Variants in PPP2R2B observed in about 807,000 individuals in gnomAD.
PPP2R2B encodes serine/threonine-protein phosphatase 2A 55 kDa regulatory subunit B beta isoform.
In PPP2R2B, 5 loss-of-function variants were observed where a neutral mutation model predicts 46.0. The ratio of observed to expected loss-of-function variants is 0.11; its 90% CI spans 0.06 to 0.23. The LOEUF is 0.23. PPP2R2B is among the 10% of genes least tolerant of loss of function. The pLI, the probability that PPP2R2B is intolerant of heterozygous loss-of-function variation, is 1.00. For missense variants in PPP2R2B, 367 were observed against 575.0 expected (o/e 0.64, Z 3.70); for synonymous variants, 215 against 206.7 (o/e 1.04, Z -0.34).
chr5:146,894,345 G>A (rs1026017239), intron 1 of PPP2R2B, among the ~76,000 whole-genome samples: 1 of 152,168 alleles, frequency 6.6e-6, no homozygotes, highest in East Asian at 1.9e-4. Context: ...CCTATATTTT[G>A]TTATTAATTA....
intron 1 of PPP2R2B, among the ~76,000 whole-genome samples, chr5:147,000,899 C>G (rs1335155091): frequency 2.0e-5 from 3 of 152,086 alleles, no homozygotes; most frequent in African/African-American, 7.2e-5. Context: ...TTCTTCAAGG[C>G]AGCATATTAT....
chr5:146,868,362 C>A (rs1237516982), intron 2 of PPP2R2B, among the ~76,000 whole-genome samples: 2 of 152,170 alleles, frequency 1.3e-5, no homozygotes, highest in African/African-American at 2.4e-5. Flanking sequence ...TACAGCCAGA[C>A]CTGGAATTTC....
At chr5:146,660,657 C>T (rs897708022) in intron 5 of PPP2R2B, among the ~76,000 whole-genome samples, 4 of 152,180 alleles carry the variant, frequency 2.6e-5, no homozygotes, top group Non-Finnish European at 5.9e-5. Flanking sequence ...TTTCCCTGCT[C>T]ACACCCTTCA....
chr5:146,863,309 C>T (rs540115649), intron 2 of PPP2R2B, among the ~76,000 whole-genome samples: 5 of 152,260 alleles, frequency 3.3e-5, no homozygotes, highest in African/African-American at 9.6e-5. Flanking sequence ...GCTGGAAACA[C>T]TAAACTGTCC....
At position 147,062,852 on chromosome 5, in the gene PPP2R2B, C is replaced by T. The variant is rs1343048295; in HGVS notation, c.50+18207G>A. On this transcript the variant is annotated intron_variant, in intron 2 of 10. Coordinates refer to the PPP2R2B transcript ENST00000394413. ...AATCTAGCAAAATCCACACACCTAC[C>T]TATCAATGCCTCCAGAGATCCAATA... Among the ~76,000 whole-genome samples, 4 of 151,826 alleles carry T rather than the reference C, an allele frequency of 2.6e-5. No homozygotes were observed. The East Asian group carries it at 7.8e-4, about 30-fold the overall frequency.
chr5:146,984,665 T>C (rs1304626424), intron 1 of PPP2R2B, among the ~76,000 whole-genome samples: 2 of 152,204 alleles, frequency 1.3e-5, no homozygotes, highest in East Asian at 3.8e-4. Context: ...TCATACTGTT[T>C]TCCATAAATT....
chr5:146,791,339 T>TC (rs1000458119), intron 2 of PPP2R2B, among the ~76,000 whole-genome samples: 1 of 152,060 alleles, frequency 6.6e-6, no homozygotes, highest in Non-Finnish European at 1.5e-5. Context: ...TCAGTGTCGA[T>TC]CCCCCCTTTT....
At chr5:146,735,577 G>T (rs528996433) in intron 2 of PPP2R2B, among the ~76,000 whole-genome samples, 33 of 152,102 alleles carry the variant, frequency 2.2e-4, no homozygotes, top group Non-Finnish European at 4.4e-5. Context: ...TTGGATGGGG[G>T]AAAAAAAGAG....
chr5:146,983,226 G>C (rs1282209702), intron 1 of PPP2R2B, among the ~76,000 whole-genome samples: 2 of 120,410 alleles, frequency 1.7e-5, no homozygotes, highest in Non-Finnish European at 3.3e-5. Flanking sequence ...TGTCCCCCAG[G>C]CTGGAGTGCA....
rs75599143 is a variant in PPP2R2B at position 146,608,984 on chromosome 5, T to G, written c.791-8524A>C. On this transcript the variant is annotated intron_variant, in intron 7 of 9. Transcript: ENST00000394411. Reference sequence around the variant, plus strand: ...CCGGACAAAGATATATCAAGAGAACTATAAGCCAATATCCCTGATGAATAT... The same window carrying G: ...CCGGACAAAGATATATCAAGAGAACGATAAGCCAATATCCCTGATGAATAT... Among the ~76,000 whole-genome samples the G allele has an allele frequency of 7.8e-3, 1,191 of 152,238 alleles. 19 individuals carry two copies. The highest frequency in any genetic ancestry group is 0.027 in the African/African-American group (1,125 of 41,550).
chr5:146,884,299 T>C (rs1054584216), intron 1 of PPP2R2B, among the ~76,000 whole-genome samples: 5 of 152,110 alleles, frequency 3.3e-5, no homozygotes, highest in Non-Finnish European at 7.3e-5. Context: ...GTTAAATAAC[T>C]CTTAAAATCC....
intron 2 of PPP2R2B, among the ~76,000 whole-genome samples, chr5:146,787,367 T>C (rs1755905164): frequency 6.6e-6 from 1 of 152,166 alleles, no homozygotes; most frequent in Non-Finnish European, 1.5e-5. Flanking sequence ...GACGCATAGA[T>C]TTTTTTAACA....
chr5:146,810,060 G>C (rs1757429542), intron 2 of PPP2R2B, among the ~76,000 whole-genome samples: 1 of 152,224 alleles, frequency 6.6e-6, no homozygotes, highest in African/African-American at 2.4e-5. Context: ...CTGGTGGGTA[G>C]TGGTGCTGTG....
At chr5:146,681,820 C>A (rs1581862763) in intron 5 of PPP2R2B, among the ~76,000 whole-genome samples, 1 of 152,158 alleles carries the variant, frequency 6.6e-6, no homozygotes, top group African/African-American at 2.4e-5. Flanking sequence ...TAGGGAAAGA[C>A]AATGTGTCAG....
chr5:147,038,692 A>G (rs1321379900), intron 1 of PPP2R2B, among the ~76,000 whole-genome samples: 4 of 152,242 alleles, frequency 2.6e-5, no homozygotes, highest in Non-Finnish European at 2.9e-5. Flanking sequence ...CCAGTTTATC[A>G]TCAAATGATT....
At chr5:146,866,543 T>C (rs933144989) in intron 2 of PPP2R2B, among the ~76,000 whole-genome samples, 3 of 152,194 alleles carry the variant, frequency 2.0e-5, no homozygotes, top group Admixed American at 6.5e-5. Flanking sequence ...ATCTAAAGTC[T>C]CACCTAATTC....
chr5:146,594,954 A>G (rs1009833129), intron 8 of PPP2R2B, among the ~76,000 whole-genome samples: 3 of 152,224 alleles, frequency 2.0e-5, no homozygotes, highest in Admixed American at 2.0e-4. Context: ...GTTCTGCTGG[A>G]TGCAGAGCTT....
intron 2 of PPP2R2B, among the ~76,000 whole-genome samples, chr5:146,756,507 T>C (rs1015398742): frequency 2.0e-5 from 3 of 152,188 alleles, no homozygotes; most frequent in Admixed American, 1.3e-4. Flanking sequence ...AACTGAAAAG[T>C]ATATGTGAAT....
intron 5 of PPP2R2B, among the ~76,000 whole-genome samples, chr5:146,674,737 TCCCTCTCAAAAG>T: frequency 6.6e-6 from 1 of 152,236 alleles, no homozygotes; most frequent in East Asian, 1.9e-4. Flanking sequence ...GGTGCCAAAC[TCCCTCTCAAAAG>T]TTCTGGGAAC....
Sources: gnomAD v4.1 joint callset for allele counts (sites outside exome capture counted in the v4.1 genomes callset) on GRCh38, gnomAD v4.1.1 for gene constraint, MANE v1.5 for transcripts, NCBI Gene and HGNC (gene_info 2026-07-23, HGNC 2026-07-21) for gene names.